Variants in SPAG16 observed in about 807,000 individuals in gnomAD.
SPAG16 encodes sperm-associated antigen 16 protein.
In SPAG16, 86 loss-of-function variants were observed where a neutral mutation model predicts 80.4. The observed-to-expected ratio is 1.07, with a 90% CI of 0.90 to 1.28. The LOEUF is 1.28. Ranked by LOEUF, SPAG16 falls within the 50% of genes most tolerant of loss-of-function variation. The pLI, the probability that SPAG16 is intolerant of heterozygous loss-of-function variation, is 0.00. For missense variants in SPAG16, 870 were observed against 765.3 expected, an observed-to-expected ratio of 1.14 and a Z score of -1.61; for synonymous variants, 294 against 265.9, an observed-to-expected ratio of 1.11 and a Z score of -1.03.
At chr2:213,686,420 CTTTAT>C (rs1197509201) in intron 10 of SPAG16, among the ~76,000 whole-genome samples, 2 of 152,152 alleles carry the variant, frequency 1.3e-5, no homozygotes, top group South Asian at 2.1e-4. Context: ...CCGGCTGTTA[CTTTAT>C]TTTAATATTC....
chr2:213,403,259 C>G (rs2068424928), intron 9 of SPAG16, among the ~76,000 whole-genome samples: 1 of 150,090 alleles, frequency 6.7e-6, no homozygotes, highest in Admixed American at 6.6e-5. Flanking sequence ...CCTTCGCCCA[C>G]TTTTTGATGG....
At chr2:214,053,495 C>G (rs1411172929) in intron 13 of SPAG16, among the ~76,000 whole-genome samples, 3 of 152,000 alleles carry the variant, frequency 2.0e-5, no homozygotes, top group African/African-American at 7.3e-5. Flanking sequence ...TGTGTAGTCT[C>G]ACTGCTTTTT....
chr2:214,302,087 T>C (rs1694593328), intron 15 of SPAG16, among the ~76,000 whole-genome samples: 1 of 152,202 alleles, frequency 6.6e-6, no homozygotes, highest in Non-Finnish European at 1.5e-5. Flanking sequence ...CTTATACAGT[T>C]TTGATAGTTC....
intron 12 of SPAG16, among the ~76,000 whole-genome samples, chr2:213,966,470 T>G (rs1379485779): frequency 1.3e-5 from 2 of 152,128 alleles, no homozygotes; most frequent in Non-Finnish European, 2.9e-5. Flanking sequence ...GAAGCAAACT[T>G]TATATGCTGT....
chr2:213,475,818 G>T (rs1229887161), intron 9 of SPAG16, among the ~76,000 whole-genome samples: 1 of 152,182 alleles, frequency 6.6e-6, no homozygotes. Flanking sequence ...GGAAAGAAAA[G>T]GAACCCTGAG....
intron 9 of SPAG16, among the ~76,000 whole-genome samples, chr2:213,424,416 AT>A (rs2069781568): frequency 6.6e-6 from 1 of 152,224 alleles, no homozygotes. Flanking sequence ...TTATGAACTA[AT>A]ATGAAAAGAT....
At chr2:214,105,191 G>A (rs2053318873) in intron 13 of SPAG16, among the ~76,000 whole-genome samples, 1 of 152,024 alleles carries the variant, frequency 6.6e-6, no homozygotes, top group Non-Finnish European at 1.5e-5. Flanking sequence ...TGAATCTGAG[G>A]GCAACAGAAC....
At chr2:213,966,586 A>C (rs774540240) in intron 12 of SPAG16, among the ~76,000 whole-genome samples, 1 of 152,202 alleles carries the variant, frequency 6.6e-6, no homozygotes, top group Non-Finnish European at 1.5e-5. Context: ...ATTTCTAAGC[A>C]AGGTGATTAA....
chr2:213,375,375 G>A (rs554047264), intron 9 of SPAG16, among the ~76,000 whole-genome samples: 124 of 152,088 alleles, frequency 8.2e-4, no homozygotes, highest in Non-Finnish European at 1.2e-3. Context: ...TCATGATCAT[G>A]TCTGCTCACC....
At chr2:213,759,968 G>A (rs1389502044) in intron 10 of SPAG16, among the ~76,000 whole-genome samples, 1 of 152,108 alleles carries the variant, frequency 6.6e-6, no homozygotes, top group East Asian at 1.9e-4. Context: ...CCAGGAGGCG[G>A]AGGCTGCAGT....
chr2:213,942,566 C>A (rs2079254653), intron 12 of SPAG16, among the ~76,000 whole-genome samples: 1 of 152,132 alleles, frequency 6.6e-6, no homozygotes, highest in Admixed American at 6.6e-5. Context: ...GCTGGGTAGT[C>A]TGGAATAGTC....
chr2:213,424,134 G>A (rs977323607), intron 9 of SPAG16, among the ~76,000 whole-genome samples: 1 of 152,156 alleles, frequency 6.6e-6, no homozygotes, highest in African/African-American at 2.4e-5. Flanking sequence ...GTGTAGTCAG[G>A]ATGTTATAGT....
chr2:213,902,949 T>A (rs764651887), intron 11 of SPAG16, among the ~76,000 whole-genome samples: 2 of 152,092 alleles, frequency 1.3e-5, no homozygotes, highest in Non-Finnish European at 2.9e-5. Flanking sequence ...AGTGAGGAAG[T>A]CAAATTTTAA....
intron 13 of SPAG16, among the ~76,000 whole-genome samples, chr2:214,019,095 G>A (rs965439673): frequency 2.0e-5 from 3 of 148,914 alleles, no homozygotes; most frequent in African/African-American, 7.4e-5. Context: ...TATTAAAATT[G>A]AAAGATAAGA....
At chr2:213,949,316 G>A (rs1468263760) in intron 12 of SPAG16, among the ~76,000 whole-genome samples, 1 of 151,236 alleles carries the variant, frequency 6.6e-6, no homozygotes, top group Non-Finnish European at 1.5e-5. Context: ...GACTACAGGT[G>A]TGCCACCACG....
At chr2:213,285,953 A>G (rs2062041112) in intron 1 of SPAG16, 1 of 1,273,620 alleles carries the variant, frequency 7.9e-7, no homozygotes, top group African/African-American at 1.5e-5. Flanking sequence ...TTTGCATTAA[A>G]ATTATTTCCG....
chr2:213,955,294 A>T (rs1451959290), intron 12 of SPAG16, among the ~76,000 whole-genome samples: 1 of 152,036 alleles, frequency 6.6e-6, no homozygotes, highest in Non-Finnish European at 1.5e-5. Context: ...TTCTTCCAGG[A>T]GTTTTATGAT....
chr2:213,355,250 T>C (rs2065572335), intron 7 of SPAG16, among the ~76,000 whole-genome samples: 1 of 152,260 alleles, frequency 6.6e-6, no homozygotes, highest in Non-Finnish European at 1.5e-5. Flanking sequence ...GGTACCATGC[T>C]ATTTTGGTTA....
intron 10 of SPAG16, among the ~76,000 whole-genome samples, chr2:213,770,330 T>C (rs2069174038): frequency 6.6e-6 from 1 of 152,128 alleles, no homozygotes; most frequent in South Asian, 2.1e-4. Context: ...GATAGGTGCA[T>C]GTTTAACGTT....
Sources: allele counts gnomAD v4.1 joint callset (sites outside exome capture counted in the v4.1 genomes callset), GRCh38; gene constraint gnomAD v4.1.1; transcripts MANE v1.5; gene names NCBI Gene and HGNC (gene_info 2026-07-23, HGNC 2026-07-21).